SH2D5: variants seen among roughly 807,000 people sequenced by gnomAD.
SH2D5 encodes the protein SH2 domain containing 5, also known as SH2 domain-containing protein 5.
Under a neutral mutation model 48.2 loss-of-function variants are expected in SH2D5, and 45 were observed. The observed-to-expected ratio is 0.93, with a 90% CI of 0.73 to 1.20. The LOEUF is 1.20. Ranked by LOEUF, SH2D5 falls within the 50% of genes most tolerant of loss-of-function variation. SH2D5 has a pLI of 0.00. For missense variants in SH2D5, 538 were observed against 584.1 expected, an observed-to-expected ratio of 0.92 and a Z score of 0.81; for synonymous variants, 230 against 249.8, an observed-to-expected ratio of 0.92 and a Z score of 0.75.
intron 4 of SH2D5, 47 bp from the exon 5 acceptor site, chr1:20,726,113 C>T (rs769418702): frequency 1.1e-5 from 17 of 1,540,352 alleles, no homozygotes; most frequent in Middle Eastern, 1.7e-4. Flanking sequence ...ACCGGGCAGC[C>T]CCACCCCTGC....
intron 5 of SH2D5, among the ~76,000 whole-genome samples, chr1:20,725,627 AG>A (rs1292466980): frequency 1.3e-5 from 2 of 152,166 alleles, no homozygotes; most frequent in Non-Finnish European, 2.9e-5. Context: ...TAGGATGAGA[AG>A]GGGAGGGGAT....
rs189942796 is a variant in SH2D5, at chr1:20,724,704, T to G, written c.391-69A>C. On this transcript the variant is annotated intron_variant, in intron 5 of 9. Transcript: ENST00000444387. ...CATCTCCCAGTGAACTCCCTGGGCC[T>G]CAGCCCACTCACCATGGGTGCATGC... is the stretch of plus-strand genomic sequence containing the variant. 8,382 of 1,439,680 alleles carry G rather than the reference T, an allele frequency of 5.8e-3. 23 individuals are homozygous for G. Among genetic ancestry groups the G allele is most frequent in the Non-Finnish European group, 7.2e-3 (7,910 of 1,095,880 alleles). The allele number at this position is 1,439,680 out of a possible 1,614,324, so 89.2% of individuals were successfully genotyped here. A position where few individuals can be genotyped will look rare whatever the true frequency, so the allele number is the denominator to read the frequency against.
Position 20,724,047 on chromosome 1 carries a change from A to T in SH2D5, c.799+36T>A, listed in dbSNP as rs375669461. On this transcript the variant is annotated intron_variant, in intron 7 of 9. Transcript: ENST00000444387. ...CCAGGAGCGCACGGGCACGTGTCCCAGGTACACACAGGGCAGGCATGTTCC... is the reference window on the plus strand; with the variant it reads ...CCAGGAGCGCACGGGCACGTGTCCCTGGTACACACAGGGCAGGCATGTTCC... 3.6e-5 allele frequency: 57 copies of T among 1,594,644 alleles called. No individual in the cohort carries two copies. The East Asian group carries it at 5.8e-4, about 16-fold the overall frequency.
rs1188722354 is a variant in SH2D5, at chr1:20,720,459, C to G, written c.*1333G>C. The stretch of plus-strand genomic sequence containing the variant: ...TCTGGTGGGACTGCCCAGTTCCTTC[C>G]AGGAGTCAGAAATCTGTGACTTTCA... On this transcript the variant is annotated 3_prime_UTR_variant, in exon 10 of 10. Coordinates refer to ENST00000444387, the MANE Select transcript of SH2D5 (RefSeq NM_001103161.2). 1 of 152,242 alleles carries G rather than the reference C, an allele frequency of 6.6e-6. No individual in the cohort carries two copies. The highest frequency in any genetic ancestry group is 1.9e-4 in the East Asian group (1 of 5,184). 9.4% of individuals were successfully genotyped at this position (152,242 alleles called of 1,614,324 possible). A position where few individuals can be genotyped will look rare whatever the true frequency, so the allele number is the denominator to read the frequency against.
At position 20,722,789 on chromosome 1, in the gene SH2D5, G is replaced by A; in HGVS notation, c.1035C>T (p.Val345=). Residue 345 remains valine (V), a synonymous_variant, in exon 9 of 10, where the codon GTC becomes GTT. Transcript: ENST00000444387. ...RTQCGVVPHQ[V]FRNHLGRYCL... ...AGTAGCGGCCCAGGTGGTTCCGGAA[G>A]ACCTGGTGGGGCACCACGCCGCACT... 1 of 1,575,422 alleles carries A rather than the reference G, an allele frequency of 6.3e-7. No homozygotes were observed. The highest frequency in any genetic ancestry group is 1.2e-5 in the South Asian group (1 of 86,128).
rs1270772311 is a variant in SH2D5 at position 20,728,366 on chromosome 1, C to T, written c.-42-280G>A. Among the ~76,000 whole-genome samples the T allele has an allele frequency of 6.6e-6, 1 of 152,120 alleles. No homozygotes were observed. The highest frequency in any genetic ancestry group is 2.4e-5 in the African/African-American group (1 of 41,426). ...ATGGAGCAGGGAGGAGAATGGGAAA[C>T]GTCAGCTTAAGGGCTGACTGTTGCT... On this transcript the variant is annotated intron_variant, in intron 1 of 9. Coordinates refer to ENST00000444387, the MANE Select transcript of SH2D5 (RefSeq NM_001103161.2). The surrounding 1 kb of genome is among the most constrained non-coding windows in gnomAD (Gnocchi z 4.3).
chr1:20,721,660 C>T lies in SH2D5; in HGVS notation c.*132G>A, dbSNP rs1472185891. The T allele has an allele frequency of 4.9e-5, 41 of 836,160 alleles. No individual in the cohort carries two copies. The highest frequency in any genetic ancestry group is 6.7e-5 in the Non-Finnish European group (38 of 564,214). 51.8% of individuals were successfully genotyped at this position (836,160 alleles called of 1,614,324 possible). Reference sequence around the variant, plus strand: ...GGCTCCCCTCCCACGGACAGTGACGCGATGGAAGACTGCTCCAAGGGCAGG... The same window carrying T: ...GGCTCCCCTCCCACGGACAGTGACGTGATGGAAGACTGCTCCAAGGGCAGG... On this transcript the variant is annotated 3_prime_UTR_variant, in exon 10 of 10. Transcript: ENST00000444387.
Position 20,724,644 on chromosome 1 carries a change from G to A in SH2D5, c.391-9C>T, listed in dbSNP as rs753356417. ...AGGTGCAGGATCTGGACCTGGGAGG[G>A]AGGGAGAGAGGTGGGCTCAGCTGGA... On this transcript the variant is annotated splice_polypyrimidine_tract_variant and intron_variant, in intron 5 of 9. Transcript: ENST00000444387. 1.3e-6 allele frequency: 2 copies of A among 1,543,872 alleles called. No homozygotes were observed. The highest frequency in any genetic ancestry group is 1.7e-6 in the Non-Finnish European group (2 of 1,147,248).
At chr1:20,725,225 G>A (rs1308519628) in intron 5 of SH2D5, among the ~76,000 whole-genome samples, 1 of 152,252 alleles carries the variant, frequency 6.6e-6, no homozygotes, top group Non-Finnish European at 1.5e-5. Context: ...TTAGAACCGT[G>A]AGCGTCAGCT....
At chr1:20,723,513 G>A in intron 8 of SH2D5, 113 bp downstream of exon 8, 1 of 762,590 alleles carries the variant, frequency 1.3e-6, no homozygotes, top group Non-Finnish European at 2.2e-6. Context: ...GGTCACTGAG[G>A]TTGGGAGCGC....
intron 5 of SH2D5, among the ~76,000 whole-genome samples, chr1:20,725,190 A>G (rs751078029): frequency 6.6e-6 from 1 of 152,348 alleles, no homozygotes; most frequent in African/African-American, 2.4e-5. Context: ...CCCAACCGCC[A>G]CACACACCAT....
rs1247008981 is a variant in SH2D5 at position 20,729,519 on chromosome 1, C to G, written c.-42-1433G>C. Among the ~76,000 whole-genome samples, 1 of 152,222 alleles carries G rather than the reference C, an allele frequency of 6.6e-6. No individual in the cohort carries two copies. Among genetic ancestry groups the G allele is most frequent in the African/African-American group, 2.4e-5 (1 of 41,462 alleles). On this transcript the variant is annotated intron_variant, in intron 1 of 9. Transcript: ENST00000444387. The surrounding 1 kb of genome is among the most constrained non-coding windows in gnomAD (Gnocchi z 4.2). ...AGCCCGACGCCAGCCAGGCTTGGAT[C>G]CAAAGCTCAACAAAGCCTGCTGCTC...
At chr1:20,722,250 T>G (rs1397228709) in intron 9 of SH2D5, among the ~76,000 whole-genome samples, 1 of 151,984 alleles carries the variant, frequency 6.6e-6, no homozygotes, top group Non-Finnish European at 1.5e-5. Flanking sequence ...CCCTAGAAAC[T>G]GGGGGGCAGG....
chr1:20,727,075 C>T lies in SH2D5; in HGVS notation c.169G>A (p.Asp57Asn), dbSNP rs967650232. 14 of 1,610,314 alleles carry T rather than the reference C, an allele frequency of 8.7e-6. No individual in the cohort carries two copies. Among genetic ancestry groups the T allele is most frequent in the South Asian group, 1.1e-5 (1 of 90,096 alleles). Reference protein sequence around the residue: ...LVQQQLWALKDCPRRRAVILK... With the variant: ...LVQQQLWALKNCPRRRAVILK... The stretch of plus-strand genomic sequence containing the variant: ...ATGACGGCCCGGCGTCGGGGACAGT[C>T]CTGGGTGGAAAAGAGTAGTGGGGAC... The change falls in exon 4 of 10, where the codon GAC becomes AAC. Residue 57 changes from aspartate (D) to asparagine (N), a missense_variant and splice_region_variant. Transcript: ENST00000444387.
intron 3 of SH2D5, 104 bp from the exon 4 acceptor site, chr1:20,727,179 A>AC: frequency 4.1e-6 from 4 of 974,696 alleles, no homozygotes; most frequent in South Asian, 1.8e-5. Context: ...CCACTCCACC[A>AC]CCCCTGGCAG....
At chr1:20,724,307 C>A (rs2154538483) in intron 6 of SH2D5, 56 bp from the exon 7 acceptor site, 2 of 1,602,804 alleles carry the variant, frequency 1.2e-6, no homozygotes, top group Non-Finnish European at 8.5e-7. Flanking sequence ...CCATGTCAGG[C>A]CAAGTGAAGC....
chr1:20,731,798 T>C (rs946118435), intron 1 of SH2D5, among the ~76,000 whole-genome samples: 12 of 151,680 alleles, frequency 7.9e-5, no homozygotes, highest in South Asian at 2.1e-4. Context: ...CTCGGGGCGC[T>C]GCGGGGAACG....
intron 3 of SH2D5, 126 bp downstream of exon 3, chr1:20,727,396 GC>G: frequency 1.0e-6 from 1 of 963,346 alleles, no homozygotes; most frequent in Non-Finnish European, 1.6e-6. Context: ...GTCCTGACCA[GC>G]CCACCACAAA....
chr1:20,724,411 C>A lies in SH2D5; in HGVS notation c.615G>T (p.Gly205=). 6.2e-7 allele frequency: 1 copy of A among 1,612,840 alleles called. No homozygotes were observed. The highest frequency in any genetic ancestry group is 1.1e-5 in the South Asian group (1 of 91,070). ...LVSFRRLPAE[G]LVGSGKELPE... The stretch of plus-strand genomic sequence containing the variant: ...TGCTGCGTACCCCACTGCCCACCAG[C>A]CCCTCTGCTGGCAGCCGCCGAAAGG... The change falls in exon 6 of 10, where the codon GGG becomes GGT. Residue 205 remains glycine, a synonymous_variant. Coordinates refer to ENST00000444387, the MANE Select transcript of SH2D5 (RefSeq NM_001103161.2).
Sources: allele counts gnomAD v4.1 joint callset (sites outside exome capture counted in the v4.1 genomes callset), GRCh38; gene constraint gnomAD v4.1.1; non-coding constraint Gnocchi (gnomAD v3.1); transcripts MANE v1.5; gene names NCBI Gene and HGNC (gene_info 2026-07-23, HGNC 2026-07-21).